EEIG2: variants seen among roughly 807,000 people sequenced by gnomAD.
The protein encoded by EEIG2 is EEIG family member 2.
At chr1:108,560,530 G>T in the EEIG2 span, 7 of 1,611,888 alleles carry the variant, frequency 4.3e-6, no homozygotes, top group Middle Eastern at 1.6e-4. Context: ...AGATGCGGCT[G>T]CTGGACGGCG....
At chr1:108,605,026 GAGAGAGACCCTGTCTCTA>G in the EEIG2 span, among the ~76,000 whole-genome samples, 1 of 152,048 alleles carries the variant, frequency 6.6e-6, no homozygotes, top group Non-Finnish European at 1.5e-5. Context: ...CTGGTTGATA[GAGAGAGACCCTGTCTCTA>G]AGAAATAAAA....
At chr1:108,610,590 C>T in the EEIG2 span, among the ~76,000 whole-genome samples, 3 of 152,122 alleles carry the variant, frequency 2.0e-5, no homozygotes, top group Non-Finnish European at 4.4e-5. Context: ...TGGCTTTGTC[C>T]TGGACATATC....
At chr1:108,607,601 A>G in the EEIG2 span, among the ~76,000 whole-genome samples, 27 of 152,210 alleles carry the variant, frequency 1.8e-4, no homozygotes, top group African/African-American at 6.5e-4. Flanking sequence ...TGGTGGGAGG[A>G]TCACTTGAGC....
chr1:108,594,638 T>C, the EEIG2 span, among the ~76,000 whole-genome samples: 1 of 152,216 alleles, frequency 6.6e-6, no homozygotes, highest in Non-Finnish European at 1.5e-5. Flanking sequence ...TAACAATGCC[T>C]GTAATAATAA....
the EEIG2 span, among the ~76,000 whole-genome samples, chr1:108,563,862 T>G: frequency 1.3e-5 from 2 of 152,178 alleles, no homozygotes; most frequent in East Asian, 1.9e-4. Flanking sequence ...GACAATATAT[T>G]GAGTGTTGTT....
chr1:108,579,770 T>TGA, the EEIG2 span, among the ~76,000 whole-genome samples: 44 of 23,198 alleles, frequency 1.9e-3, 1 homozygote, highest in African/African-American at 5.2e-3. Context: ...TGTGTGTGTG[T>TGA]GTGAGAGAGA....
At chr1:108,600,706 C>T in the EEIG2 span, 4 of 1,589,844 alleles carry the variant, frequency 2.5e-6, no homozygotes, top group Non-Finnish European at 3.4e-6. Context: ...TAGCCTATTA[C>T]TTCTTCCCTT....
the EEIG2 span, among the ~76,000 whole-genome samples, chr1:108,633,660 T>C: frequency 6.6e-6 from 1 of 152,184 alleles, no homozygotes. Context: ...CTTTTAAGAT[T>C]TTCTGTTTAT....
chr1:108,630,319 G>A, the EEIG2 span, among the ~76,000 whole-genome samples: 3 of 151,958 alleles, frequency 2.0e-5, no homozygotes, highest in East Asian at 1.9e-4. Context: ...GCAAACTATC[G>A]CAAGGACAAA....
the EEIG2 span, among the ~76,000 whole-genome samples, chr1:108,593,770 AAAG>A: frequency 2.0e-5 from 3 of 152,026 alleles, no homozygotes; most frequent in African/African-American, 7.2e-5. Flanking sequence ...TCTGAGGACT[AAAG>A]AAGAAGACTT....
At chr1:108,621,683 G>C in the EEIG2 span, among the ~76,000 whole-genome samples, 1 of 152,212 alleles carries the variant, frequency 6.6e-6, no homozygotes, top group Non-Finnish European at 1.5e-5. Flanking sequence ...CAGGTCACCT[G>C]TGAAAGAAAC....
chr1:108,629,587 G>A, the EEIG2 span: 1 of 1,605,946 alleles, frequency 6.2e-7, no homozygotes, highest in Non-Finnish European at 8.5e-7. Flanking sequence ...GTGTATTGCA[G>A]AAGAAGGACT....
chr1:108,573,591 C>T, the EEIG2 span, among the ~76,000 whole-genome samples: 1 of 152,114 alleles, frequency 6.6e-6, no homozygotes, highest in South Asian at 2.1e-4. Flanking sequence ...GGAAAGGCAA[C>T]TCATAGAATG....
the EEIG2 span, among the ~76,000 whole-genome samples, chr1:108,597,970 C>A: frequency 1.9e-4 from 29 of 152,258 alleles, no homozygotes; most frequent in African/African-American, 6.3e-4. Flanking sequence ...TTGTTGGGAG[C>A]TCCGGACACC....
the EEIG2 span, chr1:108,606,239 A>G: frequency 6.4e-7 from 1 of 1,566,534 alleles, no homozygotes; most frequent in Non-Finnish European, 8.7e-7. Flanking sequence ...AAAGGTGGAA[A>G]AGCTTATGCA....
chr1:108,620,448 A>G, the EEIG2 span, among the ~76,000 whole-genome samples: 1 of 152,112 alleles, frequency 6.6e-6, no homozygotes, highest in Non-Finnish European at 1.5e-5. Context: ...ACACCCACCA[A>G]CTCTTGTAAA....
the EEIG2 span, among the ~76,000 whole-genome samples, chr1:108,614,247 C>G: frequency 6.7e-6 from 1 of 148,580 alleles, no homozygotes; most frequent in Non-Finnish European, 1.5e-5. Context: ...GCTCCTCTGT[C>G]CCTGTCTCCC....
chr1:108,604,818 C>T, the EEIG2 span, among the ~76,000 whole-genome samples: 3 of 143,896 alleles, frequency 2.1e-5, no homozygotes, highest in Non-Finnish European at 3.0e-5. Flanking sequence ...TGCTTAAGGC[C>T]GGAAGTTTGA....
the EEIG2 span, among the ~76,000 whole-genome samples, chr1:108,600,892 T>C: frequency 6.6e-6 from 1 of 152,116 alleles, no homozygotes; most frequent in Non-Finnish European, 1.5e-5. Context: ...TCAAGAACCT[T>C]CATCTCACTG....
Sources: allele counts gnomAD v4.1 joint callset (sites outside exome capture counted in the v4.1 genomes callset), GRCh38; gene constraint gnomAD v4.1.1; transcripts MANE v1.5; gene names NCBI Gene and HGNC (gene_info 2026-07-23, HGNC 2026-07-21).